Variants in PCCA observed in about 807,000 individuals in gnomAD.
PCCA encodes propionyl-CoA carboxylase subunit alpha, also known as propionyl-CoA carboxylase alpha chain, mitochondrial.
Under a neutral mutation model 101.3 loss-of-function variants are expected in PCCA, and 74 were observed. The ratio of observed to expected loss-of-function variants is 0.73; its 90% CI spans 0.61 to 0.89. The LOEUF (loss-of-function observed/expected upper bound fraction) is 0.89. Ranked by LOEUF, PCCA falls within the 40% of genes least tolerant of loss-of-function variation. The pLI is 0.00. For synonymous variants in PCCA, 294 were observed against 313.6 expected (o/e 0.94, Z 0.66); for missense variants, 891 against 907.0 (o/e 0.98, Z 0.23).
intron 6 of PCCA, among the ~76,000 whole-genome samples, chr13:100,170,531 T>A (rs2055527491): frequency 6.6e-6 from 1 of 152,254 alleles, no homozygotes; most frequent in South Asian, 2.1e-4. Flanking sequence ...TGTGATATGC[T>A]AATGTTCCAA....
At chr13:100,491,560 A>C (rs2084910151) in intron 21 of PCCA, 15 of 678,008 alleles carry the variant, frequency 2.2e-5, no homozygotes, top group South Asian at 2.2e-4. Flanking sequence ...ACTCACTGCA[A>C]ACAGCTGCAA....
intron 14 of PCCA, among the ~76,000 whole-genome samples, chr13:100,303,754 A>G (rs1316264205): frequency 6.6e-6 from 1 of 152,146 alleles, no homozygotes; most frequent in Non-Finnish European, 1.5e-5. Context: ...ATCTGAAGAT[A>G]TTATTGGATA....
chr13:100,338,932 A>G (rs1252880512), intron 17 of PCCA, among the ~76,000 whole-genome samples: 1 of 151,876 alleles, frequency 6.6e-6, no homozygotes, highest in East Asian at 1.9e-4. Flanking sequence ...GATTTTTTAG[A>G]CATAATGTTT....
chr13:100,520,438 G>C (rs1040605964), intron 22 of PCCA, among the ~76,000 whole-genome samples: 1 of 152,034 alleles, frequency 6.6e-6, no homozygotes, highest in East Asian at 1.9e-4. Context: ...ACGAGGTCAG[G>C]AGATCGAGAC....
chr13:100,242,695 A>G (rs1208920768), intron 8 of PCCA, among the ~76,000 whole-genome samples: 3 of 152,234 alleles, frequency 2.0e-5, no homozygotes, highest in Admixed American at 6.5e-5. Context: ...AATATCTCAT[A>G]AAGTGTTGCC....
chr13:100,426,401 A>T (rs2079150888), intron 20 of PCCA, among the ~76,000 whole-genome samples: 1 of 152,168 alleles, frequency 6.6e-6, no homozygotes. Flanking sequence ...TCACAGGCTA[A>T]TAAAAATCTA....
chr13:100,305,316 C>T (rs192154173), intron 14 of PCCA, among the ~76,000 whole-genome samples: 1 of 152,204 alleles, frequency 6.6e-6, no homozygotes, highest in Non-Finnish European at 1.5e-5. Context: ...TAATTAAGAT[C>T]TGTAGGTAAC....
chr13:100,359,146 T>C (rs1595567802), intron 18 of PCCA, among the ~76,000 whole-genome samples: 1 of 140,498 alleles, frequency 7.1e-6, no homozygotes, highest in African/African-American at 2.6e-5. Context: ...TAAAAAAAAA[T>C]GGAAGACAGC....
At chr13:100,198,922 T>C (rs1274854410) in intron 6 of PCCA, among the ~76,000 whole-genome samples, 1 of 151,934 alleles carries the variant, frequency 6.6e-6, no homozygotes, top group Non-Finnish European at 1.5e-5. Flanking sequence ...CAATTTTTTT[T>C]TTTTTTTTTT....
chr13:100,383,045 A>G (rs1489042435), intron 19 of PCCA, among the ~76,000 whole-genome samples: 1 of 152,126 alleles, frequency 6.6e-6, no homozygotes, highest in African/African-American at 2.4e-5. Context: ...ACTTGCCTCA[A>G]AATTATTGTA....
rs993905873 is a variant in PCCA, at chr13:100,530,377, TCTG to T, written c.*215_*217del. ...AATACTTGTACATATGATTTGTACT[TCTG>T]CTGTGAGATTCCCTAGTGTCAAAAT... On this transcript the variant is annotated 3_prime_UTR_variant, in exon 24 of 24. Transcript: ENST00000376285. 4 of 616,284 alleles carry T rather than the reference TCTG, an allele frequency of 6.5e-6. No homozygotes were observed. Among genetic ancestry groups the T allele is most frequent in the African/African-American group, 3.7e-5 (2 of 54,538 alleles). The allele number at this position is 616,284 out of a possible 1,614,324, so 38.2% of individuals were successfully genotyped here.
chr13:100,432,140 A>C (rs888449646), intron 20 of PCCA, among the ~76,000 whole-genome samples: 1 of 148,806 alleles, frequency 6.7e-6, no homozygotes. Flanking sequence ...GCAAGACTCC[A>C]TCTCAAAAAT....
At chr13:100,148,208 G>A (rs2052819594) in intron 4 of PCCA, among the ~76,000 whole-genome samples, 1 of 152,086 alleles carries the variant, frequency 6.6e-6, no homozygotes, top group Non-Finnish European at 1.5e-5. Context: ...TCTTGGGTCT[G>A]CCACTGCTTG....
At chr13:100,200,165 C>T (rs1254733857) in intron 6 of PCCA, among the ~76,000 whole-genome samples, 3 of 151,954 alleles carry the variant, frequency 2.0e-5, no homozygotes, top group African/African-American at 4.8e-5. Flanking sequence ...AGTGCAGTGG[C>T]GCAATCTTGG....
intron 18 of PCCA, among the ~76,000 whole-genome samples, chr13:100,343,235 C>T (rs138208285): frequency 2.0e-4 from 30 of 152,234 alleles, no homozygotes; most frequent in African/African-American, 7.0e-4. Context: ...TAATAAAAAA[C>T]GGGCAGTAGG....
chr13:100,402,305 G>A (rs2077415436), intron 19 of PCCA, among the ~76,000 whole-genome samples: 1 of 151,042 alleles, frequency 6.6e-6, no homozygotes, highest in African/African-American at 2.4e-5. Context: ...ACAATCAAAT[G>A]TAAAAAACAC....
At chr13:100,093,222 G>T (rs528982911) in intron 1 of PCCA, among the ~76,000 whole-genome samples, 26 of 152,220 alleles carry the variant, frequency 1.7e-4, no homozygotes, top group Non-Finnish European at 3.7e-4. Flanking sequence ...GAGGTGCTGG[G>T]TATCAGTGGC....
chr13:100,160,518 A>AG (rs2152393661), intron 6 of PCCA, among the ~76,000 whole-genome samples: 1 of 152,140 alleles, frequency 6.6e-6, no homozygotes, highest in East Asian at 1.9e-4. Flanking sequence ...GAAAAAAAAA[A>AG]AAAGATCATG....
intron 12 of PCCA, among the ~76,000 whole-genome samples, chr13:100,290,070 G>C (rs995463182): frequency 7.2e-5 from 11 of 152,204 alleles, no homozygotes; most frequent in Non-Finnish European, 1.0e-4. Flanking sequence ...ATTGGGTTTC[G>C]GTTCTTGTCT....
Sources: gnomAD v4.1 joint callset for allele counts (sites outside exome capture counted in the v4.1 genomes callset) on GRCh38, gnomAD v4.1.1 for gene constraint, MANE v1.5 for transcripts, NCBI Gene and HGNC (gene_info 2026-07-23, HGNC 2026-07-21) for gene names.